Variants in CALN1 observed in about 807,000 individuals in gnomAD.
The protein encoded by CALN1 is calcium-binding protein 8.
CALN1 carries 17 observed loss-of-function variants against 30.6 expected under a neutral mutation model. The observed-to-expected ratio is 0.56, with a 90% confidence interval of 0.38 to 0.83. The LOEUF (loss-of-function observed/expected upper bound fraction) is 0.83. Among genes scored for constraint, CALN1 ranks in the 40% least tolerant of loss-of-function variants. The pLI is 0.00. For synonymous variants in CALN1, 156 were observed against 131.4 expected (o/e 1.19, Z -1.28); for missense variants, 291 against 354.9 (o/e 0.82, Z 1.45).
At chr7:72,047,959 A>C (rs1802580130) in intron 4 of CALN1, among the ~76,000 whole-genome samples, 1 of 152,156 alleles carries the variant, frequency 6.6e-6, no homozygotes. Context: ...TGAGCAAAGT[A>C]AGAGATGCTC....
chr7:71,781,970 T>C lies in CALN1; in HGVS notation c.*5805A>G, dbSNP rs1202827381. 2 of 152,308 alleles carry C rather than the reference T, an allele frequency of 1.3e-5. No homozygotes were observed. Among genetic ancestry groups the C allele is most frequent in the East Asian group, 3.9e-4 (2 of 5,180 alleles). 9.4% of individuals were successfully genotyped at this position (152,308 alleles called of 1,614,324 possible). A position where few individuals can be genotyped will look rare whatever the true frequency, so the allele number is the denominator to read the frequency against. ...TGCCTTGGAGACGTTTTGAACAGTA[T>C]TGTCATGTCTCTCGAGACCCTATGA... On this transcript the variant is annotated 3_prime_UTR_variant, in exon 7 of 7. Transcript: ENST00000395275.
intron 2 of CALN1, among the ~76,000 whole-genome samples, chr7:72,356,943 AGCTTTGGTTTT>A (rs1433670795): frequency 2.6e-5 from 4 of 151,962 alleles, no homozygotes; most frequent in Non-Finnish European, 4.4e-5. Flanking sequence ...AACACTTCTA[AGCTTTGGTTTT>A]GCTTTGGTTT....
intron 3 of CALN1, among the ~76,000 whole-genome samples, chr7:72,154,218 G>A (rs1241376445): frequency 1.4e-5 from 2 of 143,832 alleles, no homozygotes; most frequent in African/African-American, 5.0e-5. Flanking sequence ...ACTAAGGAGG[G>A]AAGTAAAATT....
At chr7:72,242,351 T>C (rs1794897278) in intron 3 of CALN1, among the ~76,000 whole-genome samples, 1 of 152,206 alleles carries the variant, frequency 6.6e-6, no homozygotes, top group Admixed American at 6.5e-5. Context: ...CTTTGGGGTA[T>C]AGGCATAAAT....
chr7:71,821,020 A>G (rs1788555680), intron 5 of CALN1, among the ~76,000 whole-genome samples: 1 of 152,176 alleles, frequency 6.6e-6, no homozygotes, highest in Non-Finnish European at 1.5e-5. Context: ...CTTAGAAAGA[A>G]AGGCTACACG....
intron 6 of CALN1, among the ~76,000 whole-genome samples, chr7:71,791,784 C>T (rs1034142157): frequency 3.3e-5 from 5 of 152,034 alleles, no homozygotes; most frequent in Admixed American, 6.6e-5. Flanking sequence ...CCGAGGCGGG[C>T]GGATCACAAG....
intron 3 of CALN1, among the ~76,000 whole-genome samples, chr7:72,220,036 T>C (rs930492221): frequency 6.6e-6 from 1 of 151,860 alleles, no homozygotes; most frequent in Non-Finnish European, 1.5e-5. Context: ...TTTTTATAAT[T>C]TTTTTTGTTT....
chr7:71,963,450 T>C (rs932203466), intron 5 of CALN1, among the ~76,000 whole-genome samples: 4 of 151,624 alleles, frequency 2.6e-5, no homozygotes, highest in Non-Finnish European at 5.9e-5. Context: ...TGTGAGCCAC[T>C]GTGCCCAGCC....
chr7:72,384,544 G>C (rs1333839799), intron 2 of CALN1, among the ~76,000 whole-genome samples: 1 of 152,084 alleles, frequency 6.6e-6, no homozygotes, highest in Non-Finnish European at 1.5e-5. Context: ...TGACAGGGGA[G>C]GATTGCTTGA....
At chr7:72,408,268 A>G (rs1806840374) in intron 1 of CALN1, among the ~76,000 whole-genome samples, 2 of 99,076 alleles carry the variant, frequency 2.0e-5, no homozygotes, top group African/African-American at 4.3e-5. Flanking sequence ...CCCCATCTCT[A>G]TTAAAAAAAA....
At chr7:72,496,215 C>T in the CALN1 span, among the ~76,000 whole-genome samples, 1 of 152,206 alleles carries the variant, frequency 6.6e-6, no homozygotes. Context: ...AGCCACCATG[C>T]CCGGCCTCAT....
intron 2 of CALN1, among the ~76,000 whole-genome samples, chr7:72,391,703 AGTTTTTTT>A (rs1247163962): frequency 6.6e-6 from 1 of 151,954 alleles, no homozygotes; most frequent in Non-Finnish European, 1.5e-5. Flanking sequence ...CCCCTGCACA[AGTTTTTTT>A]GTTTTTTGTT....
At chr7:72,064,235 T>C (rs139860379) in intron 4 of CALN1, among the ~76,000 whole-genome samples, 10 of 150,222 alleles carry the variant, frequency 6.7e-5, no homozygotes, top group Non-Finnish European at 1.2e-4. Context: ...TGAGCTGAGA[T>C]CGTGCCACTG....
At chr7:72,288,346 G>A (rs894076103) in intron 2 of CALN1, among the ~76,000 whole-genome samples, 1 of 152,122 alleles carries the variant, frequency 6.6e-6, no homozygotes, top group Non-Finnish European at 1.5e-5. Context: ...TATGACATGG[G>A]AGCTGGATCA....
chr7:72,243,589 C>T (rs532373267), intron 3 of CALN1, among the ~76,000 whole-genome samples: 2 of 152,116 alleles, frequency 1.3e-5, no homozygotes, highest in African/African-American at 4.8e-5. Context: ...TGAACCAGCG[C>T]TCCCCACTCC....
At chr7:72,354,058 G>GC (rs1283815832) in intron 2 of CALN1, among the ~76,000 whole-genome samples, 1 of 151,966 alleles carries the variant, frequency 6.6e-6, no homozygotes, top group Non-Finnish European at 1.5e-5. Context: ...GTGGTGGTGG[G>GC]CCCCTCTAAT....
chr7:71,842,590 G>C (rs1789998584), intron 5 of CALN1, among the ~76,000 whole-genome samples: 1 of 152,178 alleles, frequency 6.6e-6, no homozygotes, highest in African/African-American at 2.4e-5. Flanking sequence ...AATCCAGCCA[G>C]AGAAATACAC....
intron 2 of CALN1, among the ~76,000 whole-genome samples, chr7:72,323,189 T>C (rs1450086339): frequency 6.6e-6 from 1 of 152,064 alleles, no homozygotes; most frequent in Non-Finnish European, 1.5e-5. Flanking sequence ...TGTGAGCCTT[T>C]GCAGTGAGTC....
At chr7:72,397,714 T>TCACACACA (rs3138810) in intron 2 of CALN1, among the ~76,000 whole-genome samples, 5,642 of 142,822 alleles carry the variant, frequency 0.04, 132 homozygotes, top group South Asian at 0.058. Flanking sequence ...CCATTCTCTC[T>TCACACACA]CACACACACA....
Sources: gnomAD v4.1 joint callset for allele counts (sites outside exome capture counted in the v4.1 genomes callset) on GRCh38, gnomAD v4.1.1 for gene constraint, MANE v1.5 for transcripts, NCBI Gene and HGNC (gene_info 2026-07-23, HGNC 2026-07-21) for gene names.